IL2RA: variants seen among roughly 807,000 people sequenced by gnomAD.
IL2RA encodes the protein interleukin-2 receptor subunit alpha.
In IL2RA, 24 loss-of-function variants were observed where a neutral mutation model predicts 37.8. The ratio of observed to expected loss-of-function variants is 0.63; its 90% CI spans 0.46 to 0.89. The LOEUF is 0.89. IL2RA is among the 40% of genes least tolerant of loss of function. IL2RA has a pLI of 0.00. For missense variants in IL2RA, 319 were observed against 348.6 expected, an observed-to-expected ratio of 0.92 and a Z score of 0.68; for synonymous variants, 125 against 114.6, an observed-to-expected ratio of 1.09 and a Z score of -0.58.
chr10:6,052,378 T>C (rs1287156499), intron 1 of IL2RA, among the ~76,000 whole-genome samples: 1 of 152,208 alleles, frequency 6.6e-6, no homozygotes, highest in Non-Finnish European at 1.5e-5. Flanking sequence ...CATAATTGTC[T>C]GTGCAGAGGT....
chr10:6,031,442 GTATATATATATACATATATA>G (rs1297416359), intron 1 of IL2RA, among the ~76,000 whole-genome samples: 698 of 54,022 alleles, frequency 0.013, 29 homozygotes, highest in African/African-American at 0.045. Context: ...AGCAATTTCA[GTATATATATATACATATATA>G]TATATATATA....
chr10:6,018,162 G>C lies in IL2RA; in HGVS notation c.728-43C>G. On this transcript the variant is annotated intron_variant, in intron 6 of 7. Coordinates refer to ENST00000379959, the MANE Select transcript of IL2RA (RefSeq NM_000417.3). This position sits in a 1 kb window ranked among gnomAD's most constrained non-coding sequence, Gnocchi z 5.1. ...GAGTTCAGCAAAGGGCCCTGGGCTT[G>C]GCATGGGGGCAGCAGGAGCCAGGGC... 1 of 1,523,554 alleles carries C rather than the reference G, an allele frequency of 6.6e-7. No individual in the cohort carries two copies. Among genetic ancestry groups the C allele is most frequent in the Non-Finnish European group, 9.1e-7 (1 of 1,099,328 alleles). The allele number at this position is 1,523,554 out of a possible 1,614,324, so 94.4% of individuals were successfully genotyped here.
Position 6,012,943 on chromosome 10 carries a change from A to G in IL2RA, c.795-47T>C, listed in dbSNP as rs935037648. ...ACGGTCATATGTGTAACACGGCACC[A>G]AAAAAATGTGGTCCTCACTCTAAAC... On this transcript the variant is annotated intron_variant, in intron 7 of 7. Transcript: ENST00000379959. The surrounding 1 kb of genome is among the most constrained non-coding windows in gnomAD (Gnocchi z 4.8). The G allele has an allele frequency of 1.9e-6, 3 of 1,590,626 alleles. No individual in the cohort carries two copies. Among genetic ancestry groups the G allele is most frequent in the Non-Finnish European group, 2.6e-6 (3 of 1,159,248 alleles).
rs776999325 is a variant in IL2RA at position 6,019,440 on chromosome 10, A to G, written c.715T>C (p.Tyr239His). The change falls in exon 6 of 8, where the codon TAC (tyrosine) becomes CAC (histidine). Residue 239 changes from tyrosine (Y) to histidine (H), a missense_variant. Tyr to His is a moderately conservative substitution (Grantham distance 83). Transcript: ENST00000379959. Reference protein sequence around the residue: ...TMETSIFTTEYQVAVAGCVFL... With the variant: ...TMETSIFTTEHQVAVAGCVFL... ...GTGCCCCACTCACCTGCTACCTGGT[A>G]CTCTGTTGTAAATATGGACGTCTCC... The G allele has an allele frequency of 3.1e-6, 5 of 1,611,824 alleles. No individual in the cohort carries two copies. In the African/African-American group the frequency reaches 4.0e-5, roughly 13 times the overall value.
At chr10:6,043,640 G>T (rs565217125) in intron 1 of IL2RA, among the ~76,000 whole-genome samples, 1 of 152,238 alleles carries the variant, frequency 6.6e-6, no homozygotes, top group African/African-American at 2.4e-5. Flanking sequence ...GTTTCACCAT[G>T]TTGGCCAGGC....
intron 1 of IL2RA, among the ~76,000 whole-genome samples, chr10:6,045,540 A>G (rs2132886783): frequency 6.6e-6 from 1 of 152,328 alleles, no homozygotes; most frequent in Non-Finnish European, 1.5e-5. Flanking sequence ...AGAGTTAACC[A>G]CAAGCTCACC....
chr10:6,050,878 C>G (rs1839942199), intron 1 of IL2RA, among the ~76,000 whole-genome samples: 1 of 152,036 alleles, frequency 6.6e-6, no homozygotes, highest in Non-Finnish European at 1.5e-5. Context: ...TTGAGAGACG[C>G]TGGGAGAGGG....
intron 1 of IL2RA, among the ~76,000 whole-genome samples, chr10:6,037,409 T>G (rs1839705369): frequency 6.6e-6 from 1 of 152,154 alleles, no homozygotes; most frequent in Non-Finnish European, 1.5e-5. Flanking sequence ...CAGGTGAAGT[T>G]GTTTTACTCT....
At chr10:6,041,116 C>CT (rs34852465) in intron 1 of IL2RA, among the ~76,000 whole-genome samples, 43,755 of 126,446 alleles carry the variant, frequency 0.35, 8,551 homozygotes, top group East Asian at 0.59. Context: ...TGAGTTAATT[C>CT]TTTTTTTTTT....
Position 6,046,600 on chromosome 10 carries a change from G to C in IL2RA, c.64+15488C>G, listed in dbSNP as rs1356472674. Reference sequence around the variant, plus strand: ...AAGGCTTTTGCTGAGTTTAGTCTTTGTATTCATCTGTGAGTGGGTCAAAAT... The same window carrying C: ...AAGGCTTTTGCTGAGTTTAGTCTTTCTATTCATCTGTGAGTGGGTCAAAAT... On this transcript the variant is annotated intron_variant, in intron 1 of 7. Coordinates refer to ENST00000379959, the MANE Select transcript of IL2RA (RefSeq NM_000417.3). The surrounding 1 kb of genome is among the most constrained non-coding windows in gnomAD (Gnocchi z 4.8). 6.6e-6 allele frequency among the ~76,000 whole-genome samples: 1 copy of C among 152,168 alleles called. No homozygotes were observed. The highest frequency in any genetic ancestry group is 2.4e-5 in the African/African-American group (1 of 41,436).
rs12722604 is a variant in IL2RA, at chr10:6,011,323, G to A, written c.*1549C>T. On this transcript the variant is annotated 3_prime_UTR_variant, in exon 8 of 8. Coordinates refer to ENST00000379959, the MANE Select transcript of IL2RA (RefSeq NM_000417.3). This position sits in a 1 kb window ranked among gnomAD's most constrained non-coding sequence, Gnocchi z 5.2. Reference sequence around the variant, plus strand: ...GTGGGAGTTGAGAGTGGGTGGGCGTGCAGAGCAATAACACAATGGTTCTCA... The same window carrying A: ...GTGGGAGTTGAGAGTGGGTGGGCGTACAGAGCAATAACACAATGGTTCTCA... 0.042 allele frequency: 6,369 copies of A among 152,064 alleles called. 359 individuals carry two copies. Among genetic ancestry groups the A allele is most frequent in the East Asian group, 0.3 (1,567 of 5,296 alleles). The allele number at this position is 152,064 out of a possible 1,614,324, so 9.4% of individuals were successfully genotyped here. A position where few individuals can be genotyped will look rare whatever the true frequency, so the allele number is the denominator to read the frequency against.
intron 7 of IL2RA, among the ~76,000 whole-genome samples, chr10:6,016,520 T>C (rs560961740): frequency 4.6e-5 from 2 of 43,780 alleles, no homozygotes; most frequent in Admixed American, 7.6e-4. Context: ...ACTGATGTCT[T>C]GGGCTCACCC....
chr10:6,054,558 T>C lies in IL2RA; in HGVS notation c.64+7530A>G, dbSNP rs191641308. Among the ~76,000 whole-genome samples the C allele has an allele frequency of 3.9e-5, 6 of 152,272 alleles. No homozygotes were observed. The highest frequency in any genetic ancestry group is 5.9e-5 in the Non-Finnish European group (4 of 68,014). On this transcript the variant is annotated intron_variant, in intron 1 of 7. Transcript: ENST00000379959. The surrounding 1 kb of genome is among the most constrained non-coding windows in gnomAD (Gnocchi z 4.5). The stretch of plus-strand genomic sequence containing the variant: ...ACACACACACAAAACTTCATGTATG[T>C]TGAAATATGGCTCATTATGTAGTTG...
In IL2RA at chr10:6,019,914, TCGGGG is replaced by T; in HGVS notation, c.606_610del (p.Ser202ArgfsTer5). 6.2e-7 allele frequency: 1 copy of T among 1,614,140 alleles called. No individual in the cohort carries two copies. Among genetic ancestry groups the T allele is most frequent in the Non-Finnish European group, 8.5e-7 (1 of 1,179,982 alleles). On this transcript the variant is annotated frameshift_variant, in exon 5 of 8. Coordinates refer to ENST00000379959, the MANE Select transcript of IL2RA (RefSeq NM_000417.3). LOFTEE classifies it high-confidence loss of function. ...GGAAGTCTCACTCTCAGGACGGCCT[TCGGGG>T]CTTGCCTGAGGCTTCTCTTCACCTG...
intron 1 of IL2RA, among the ~76,000 whole-genome samples, chr10:6,039,168 C>A (rs1054427667): frequency 6.6e-6 from 1 of 152,172 alleles, no homozygotes; most frequent in Non-Finnish European, 1.5e-5. Flanking sequence ...TAACATCAGA[C>A]TTCAAGGCAG....
At chr10:6,051,651 C>CTGGGATTACAGGCA (rs1328393829) in intron 1 of IL2RA, among the ~76,000 whole-genome samples, 13 of 146,506 alleles carry the variant, frequency 8.9e-5, no homozygotes, top group Non-Finnish European at 1.8e-4. Flanking sequence ...CCCTGAGTAG[C>CTGGGATTACAGGCA]TGGGATTACA....
Position 6,056,222 on chromosome 10 carries a change from C to T in IL2RA, c.64+5866G>A, listed in dbSNP as rs907041135. 2.0e-5 allele frequency among the ~76,000 whole-genome samples: 3 copies of T among 152,228 alleles called. No individual in the cohort carries two copies. The highest frequency in any genetic ancestry group is 2.0e-4 in the Admixed American group (3 of 15,286). ...GGGAGCCATTCAGCAGCAGTTTCATCTCCCGTGTTAAACTGTGAGCACAAG... is the reference window on the plus strand; with the variant it reads ...GGGAGCCATTCAGCAGCAGTTTCATTTCCCGTGTTAAACTGTGAGCACAAG... On this transcript the variant is annotated intron_variant, in intron 1 of 7. Transcript: ENST00000379959. This position sits in a 1 kb window ranked among gnomAD's most constrained non-coding sequence, Gnocchi z 5.0.
In IL2RA at chr10:6,021,355, C is replaced by T; in HGVS notation, c.583+123G>A. The T allele has an allele frequency of 3.5e-6, 3 of 854,486 alleles. No individual in the cohort carries two copies. Among genetic ancestry groups the T allele is most frequent in the Non-Finnish European group, 5.9e-6 (3 of 505,310 alleles). 52.9% of individuals were successfully genotyped at this position (854,486 alleles called of 1,614,324 possible). A position where few individuals can be genotyped will look rare whatever the true frequency, so the allele number is the denominator to read the frequency against. On this transcript the variant is annotated intron_variant, in intron 4 of 7. Transcript: ENST00000379959. This position sits in a 1 kb window ranked among gnomAD's most constrained non-coding sequence, Gnocchi z 4.9. ...TCTCAGAATGAGAAAAAATGGAAGC[C>T]CAGGGAGATCAAGGGTCTTGTCCAA...
rs898429956 is a variant in IL2RA, at chr10:6,012,339, G to C, written c.*533C>G. ...GGGTAGCAGCCCAGAGTTCTTGAAG[G>C]ATGTTTATTAGGCAACGTGAACGGG... On this transcript the variant is annotated 3_prime_UTR_variant, in exon 8 of 8. Coordinates refer to ENST00000379959, the MANE Select transcript of IL2RA (RefSeq NM_000417.3). The surrounding 1 kb of genome is among the most constrained non-coding windows in gnomAD (Gnocchi z 4.8). 6.3e-6 allele frequency: 1 copy of C among 158,982 alleles called. No individual in the cohort carries two copies. Among genetic ancestry groups the C allele is most frequent in the Non-Finnish European group, 1.4e-5 (1 of 71,946 alleles). 9.8% of individuals were successfully genotyped at this position (158,982 alleles called of 1,614,324 possible). A position where few individuals can be genotyped will look rare whatever the true frequency, so the allele number is the denominator to read the frequency against.
Sources: allele counts gnomAD v4.1 joint callset (sites outside exome capture counted in the v4.1 genomes callset), GRCh38; gene constraint gnomAD v4.1.1; non-coding constraint Gnocchi (gnomAD v3.1); transcripts MANE v1.5; gene names NCBI Gene and HGNC (gene_info 2026-07-23, HGNC 2026-07-21).